CNTNAP5: variants seen among roughly 807,000 people sequenced by gnomAD.
The protein encoded by CNTNAP5 is contactin-associated protein-like 5.
CNTNAP5 carries 72 observed loss-of-function variants against 150.2 expected under a neutral mutation model. That is an observed-to-expected ratio of 0.48 (90% CI 0.40 to 0.58). CNTNAP5 has a LOEUF of 0.58. Ranked by LOEUF, CNTNAP5 falls within the 20% of genes least tolerant of loss-of-function variation. CNTNAP5 has a pLI of 0.00. For synonymous variants in CNTNAP5, 672 were observed against 619.8 expected (o/e 1.08, Z -1.25); for missense variants, 1,636 against 1,626.2 (o/e 1.01, Z -0.10).
chr2:124,667,974 G>T (rs773827015), intron 13 of CNTNAP5, among the ~76,000 whole-genome samples: 1 of 152,312 alleles, frequency 6.6e-6, no homozygotes, highest in South Asian at 2.1e-4. Context: ...TGCCACAGAC[G>T]AATATGATGG....
intron 11 of CNTNAP5, among the ~76,000 whole-genome samples, chr2:124,577,072 G>T (rs1696299078): frequency 6.6e-6 from 1 of 152,178 alleles, no homozygotes; most frequent in Admixed American, 6.5e-5. Context: ...TTCTCCAGTA[G>T]CTATAAGATT....
At chr2:124,151,591 C>T (rs1684406652) in intron 1 of CNTNAP5, among the ~76,000 whole-genome samples, 1 of 152,194 alleles carries the variant, frequency 6.6e-6, no homozygotes, top group Non-Finnish European at 1.5e-5. Flanking sequence ...ATGTTCTTCT[C>T]TGTTGTCTTT....
chr2:124,360,500 C>T (rs1452594254), intron 3 of CNTNAP5, among the ~76,000 whole-genome samples: 1 of 139,208 alleles, frequency 7.2e-6, no homozygotes, highest in Admixed American at 7.3e-5. Flanking sequence ...TTAGGGCAGG[C>T]CTGGTGGTGA....
At chr2:124,311,416 G>C (rs1167318979) in intron 3 of CNTNAP5, among the ~76,000 whole-genome samples, 1 of 152,166 alleles carries the variant, frequency 6.6e-6, no homozygotes, top group Non-Finnish European at 1.5e-5. Flanking sequence ...ATGGAGGAAG[G>C]AAAGAAAAGA....
At chr2:124,587,835 A>G (rs1185656767) in intron 11 of CNTNAP5, among the ~76,000 whole-genome samples, 2 of 152,238 alleles carry the variant, frequency 1.3e-5, no homozygotes, top group Admixed American at 6.5e-5. Flanking sequence ...CTTAACTTAC[A>G]TAGTTACATG....
At chr2:124,803,896 A>G (rs764565053) in intron 19 of CNTNAP5, among the ~76,000 whole-genome samples, 17 of 152,160 alleles carry the variant, frequency 1.1e-4, no homozygotes, top group Non-Finnish European at 2.4e-4. Context: ...CTGCCTCCAC[A>G]TAGCCCCTCC....
chr2:124,833,489 A>C (rs996448644), intron 19 of CNTNAP5, among the ~76,000 whole-genome samples: 1 of 152,132 alleles, frequency 6.6e-6, no homozygotes, highest in African/African-American at 2.4e-5. Flanking sequence ...ACTAAAGAAA[A>C]TAGAATTAAG....
intron 3 of CNTNAP5, among the ~76,000 whole-genome samples, chr2:124,359,724 A>C (rs1690141946): frequency 1.1e-5 from 1 of 94,424 alleles, no homozygotes; most frequent in Non-Finnish European, 2.1e-5. Context: ...TTTACTTCCA[A>C]GTATGTGGTC....
At chr2:124,547,619 G>T (rs1695543400) in intron 10 of CNTNAP5, among the ~76,000 whole-genome samples, 1 of 152,196 alleles carries the variant, frequency 6.6e-6, no homozygotes, top group Non-Finnish European at 1.5e-5. Flanking sequence ...GGTCCTCCAA[G>T]AGTTCTGTAT....
intron 3 of CNTNAP5, among the ~76,000 whole-genome samples, chr2:124,280,170 G>A (rs570443199): frequency 1.6e-4 from 24 of 150,994 alleles, no homozygotes; most frequent in African/African-American, 2.9e-4. Context: ...ATATATATAC[G>A]TATATATATA....
Position 124,151,091 on chromosome 2 carries a change from G to T in CNTNAP5, c.83-70614G>T, listed in dbSNP as rs554727274. 3.3e-5 allele frequency among the ~76,000 whole-genome samples: 5 copies of T among 152,276 alleles called. No individual in the cohort carries two copies. In the East Asian group the frequency reaches 5.8e-4, roughly 18 times the overall value. The stretch of plus-strand genomic sequence containing the variant: ...AGTTCTAAGCAGAAGACCTAACACG[G>T]TCTAGGATTTGACTTCCCAACTTAG... On this transcript the variant is annotated intron_variant, in intron 1 of 23. Coordinates refer to ENST00000682447, the MANE Select transcript of CNTNAP5 (RefSeq NM_001367498.1).
At chr2:124,617,296 T>C (rs144787307) in intron 12 of CNTNAP5, among the ~76,000 whole-genome samples, 38 of 152,156 alleles carry the variant, frequency 2.5e-4, no homozygotes, top group Admixed American at 1.3e-3. Flanking sequence ...GGGTGACTTA[T>C]AAAACAGAGG....
At chr2:124,427,512 A>G (rs1304581911) in intron 4 of CNTNAP5, among the ~76,000 whole-genome samples, 4 of 152,060 alleles carry the variant, frequency 2.6e-5, no homozygotes, top group Non-Finnish European at 5.9e-5. Flanking sequence ...GCTAGAGTGC[A>G]GTGACACAAT....
intron 18 of CNTNAP5, 80 bp downstream of exon 18, chr2:124,790,221 C>T: frequency 7.3e-7 from 1 of 1,362,208 alleles, no homozygotes; most frequent in South Asian, 1.5e-5. Flanking sequence ...GATACTCACA[C>T]TCTGAGACAG....
chr2:124,804,766 T>A (rs1682046669), intron 19 of CNTNAP5, among the ~76,000 whole-genome samples: 1 of 152,166 alleles, frequency 6.6e-6, no homozygotes, highest in Non-Finnish European at 1.5e-5. Flanking sequence ...TCTGAGTCAC[T>A]CACTCAGTCT....
rs766646487 is a variant in CNTNAP5, at chr2:124,524,318, A to G, written c.1343A>G (p.Asp448Gly). The G allele has an allele frequency of 3.1e-6, 5 of 1,613,816 alleles. No individual in the cohort carries two copies. In the South Asian group the frequency reaches 3.3e-5, roughly 11 times the overall value. ...TCTCTTGCAGGCAGCAACTTGAATGATGGCCTGTGGCACTCGGTTAGCATC... is the reference window on the plus strand; with the variant it reads ...TCTCTTGCAGGCAGCAACTTGAATGGTGGCCTGTGGCACTCGGTTAGCATC... ...AEILTGSNLN[D>G]GLWHSVSINA... Residue 448 changes from aspartate to glycine, a missense_variant, in exon 9 of 24, where the codon GAT becomes GGT. Physicochemically the swap from Asp to Gly is moderately conservative, Grantham distance 94 (BLOSUM62 -1). Transcript: ENST00000682447.
At chr2:124,254,223 T>C (rs1389235284) in intron 3 of CNTNAP5, among the ~76,000 whole-genome samples, 1 of 152,194 alleles carries the variant, frequency 6.6e-6, no homozygotes, top group Non-Finnish European at 1.5e-5. Context: ...ACCAAGACTT[T>C]AGCAGAATCC....
At chr2:124,886,419 A>G (rs2104743414) in intron 21 of CNTNAP5, among the ~76,000 whole-genome samples, 1 of 152,086 alleles carries the variant, frequency 6.6e-6, no homozygotes, top group East Asian at 1.9e-4. Context: ...TTGAAATGTC[A>G]GAGACTGCCA....
intron 5 of CNTNAP5, among the ~76,000 whole-genome samples, chr2:124,437,130 G>T (rs1403286686): frequency 6.6e-6 from 1 of 152,266 alleles, no homozygotes; most frequent in Non-Finnish European, 1.5e-5. Context: ...ATAACACCTT[G>T]TTCACTTCTG....
Sources: gnomAD v4.1 joint callset for allele counts (sites outside exome capture counted in the v4.1 genomes callset) on GRCh38, gnomAD v4.1.1 for gene constraint, MANE v1.5 for transcripts, NCBI Gene and HGNC (gene_info 2026-07-23, HGNC 2026-07-21) for gene names.